HAPLN1: variants seen among roughly 807,000 people sequenced by gnomAD.
HAPLN1 encodes the protein Cartilage link protein.
HAPLN1 carries 13 observed loss-of-function variants against 36.5 expected under a neutral mutation model. That is an observed-to-expected ratio of 0.36 (90% CI 0.23 to 0.57). The LOEUF (loss-of-function observed/expected upper bound fraction) is 0.57, where lower values mean the gene tolerates loss of function less well. Among genes scored for constraint, HAPLN1 ranks in the 20% least tolerant of loss-of-function variants. The pLI is 0.83. For synonymous variants in HAPLN1, 202 were observed against 169.8 expected, an observed-to-expected ratio of 1.19 and a Z score of -1.48; for missense variants, 407 against 439.7, an observed-to-expected ratio of 0.93 and a Z score of 0.66.
chr5:83,711,691 T>C (rs917159851), intron 1 of HAPLN1, among the ~76,000 whole-genome samples: 7 of 152,242 alleles, frequency 4.6e-5, no homozygotes, highest in African/African-American at 1.7e-4. Context: ...TTCCTTGGGA[T>C]GGTCTTTGTT....
intron 1 of HAPLN1, among the ~76,000 whole-genome samples, chr5:83,691,541 C>G (rs948583116): frequency 6.6e-6 from 1 of 151,928 alleles, no homozygotes; most frequent in Non-Finnish European, 1.5e-5. Flanking sequence ...AAACTTAAGA[C>G]AGCTCTAGGA....
chr5:83,667,552 C>A (rs921511740), intron 2 of HAPLN1, among the ~76,000 whole-genome samples: 2 of 151,942 alleles, frequency 1.3e-5, no homozygotes, highest in Admixed American at 6.6e-5. Flanking sequence ...TTGGTGGCTG[C>A]AAATAAGATA....
At chr5:83,710,975 A>G (rs766152365) in intron 1 of HAPLN1, among the ~76,000 whole-genome samples, 7 of 152,006 alleles carry the variant, frequency 4.6e-5, no homozygotes, top group Non-Finnish European at 7.4e-5. Flanking sequence ...AAGAAAAATA[A>G]CCAGAGTGGG....
chr5:83,698,940 G>A (rs1225668554), intron 1 of HAPLN1, among the ~76,000 whole-genome samples: 2 of 152,162 alleles, frequency 1.3e-5, no homozygotes, highest in Admixed American at 6.5e-5. Flanking sequence ...TCTATTTAAA[G>A]AGCAGCATCT....
At chr5:83,658,998 G>A (rs564996038) in intron 2 of HAPLN1, among the ~76,000 whole-genome samples, 58 of 152,260 alleles carry the variant, frequency 3.8e-4, no homozygotes, top group Middle Eastern at 3.4e-3. Context: ...CTGGAGCTGG[G>A]TGCAGTGGCT....
intron 3 of HAPLN1, among the ~76,000 whole-genome samples, chr5:83,651,655 A>G (rs770237777): frequency 3.9e-5 from 4 of 101,446 alleles, no homozygotes; most frequent in Non-Finnish European, 8.2e-5. Flanking sequence ...TTATGTAGAT[A>G]AGGAAGGAAA....
intron 1 of HAPLN1, among the ~76,000 whole-genome samples, chr5:83,697,501 C>T (rs139106743): frequency 3.3e-5 from 5 of 152,236 alleles, no homozygotes; most frequent in Admixed American, 3.3e-4. Flanking sequence ...CTGCTATTAA[C>T]ACCCATGCAC....
At chr5:83,649,155 T>C (rs1402813555) in intron 3 of HAPLN1, among the ~76,000 whole-genome samples, 1 of 152,252 alleles carries the variant, frequency 6.6e-6, no homozygotes, top group Non-Finnish European at 1.5e-5. Flanking sequence ...TATATCATGA[T>C]ACTTTTTGAA....
chr5:83,660,259 G>A (rs1458395217), intron 2 of HAPLN1, among the ~76,000 whole-genome samples: 1 of 152,104 alleles, frequency 6.6e-6, no homozygotes, highest in Admixed American at 6.5e-5. Flanking sequence ...ATATAGTACT[G>A]TTTTGAGTGA....
At chr5:83,656,327 C>CAAAAAAAAA (rs35902132) in intron 2 of HAPLN1, among the ~76,000 whole-genome samples, 9 of 59,774 alleles carry the variant, frequency 1.5e-4, no homozygotes, top group Admixed American at 5.1e-4. Flanking sequence ...GACTACGTCT[C>CAAAAAAAAA]AAAAAAAAAA....
intron 1 of HAPLN1, among the ~76,000 whole-genome samples, chr5:83,704,632 T>C (rs977568209): frequency 2.0e-5 from 3 of 152,078 alleles, no homozygotes; most frequent in Non-Finnish European, 2.9e-5. Context: ...GACTTTAAAC[T>C]AACAAAGATC....
At chr5:83,687,586 T>C (rs1751160497) in intron 1 of HAPLN1, among the ~76,000 whole-genome samples, 1 of 152,236 alleles carries the variant, frequency 6.6e-6, no homozygotes, top group Non-Finnish European at 1.5e-5. Context: ...ACTAATGTGA[T>C]GAGATACTCA....
At chr5:83,705,819 G>A (rs1302367667) in intron 1 of HAPLN1, among the ~76,000 whole-genome samples, 3 of 151,876 alleles carry the variant, frequency 2.0e-5, no homozygotes, top group Non-Finnish European at 4.4e-5. Context: ...AAGATCGAAA[G>A]ACTGCTAACT....
chr5:83,719,788 A>G (rs1299942712), intron 1 of HAPLN1, among the ~76,000 whole-genome samples: 1 of 152,226 alleles, frequency 6.6e-6, no homozygotes, highest in Non-Finnish European at 1.5e-5. Context: ...AGAAACTACA[A>G]TTGTAATGAA....
intron 1 of HAPLN1, among the ~76,000 whole-genome samples, chr5:83,680,345 A>T (rs1227340999): frequency 6.6e-6 from 1 of 152,198 alleles, no homozygotes; most frequent in Non-Finnish European, 1.5e-5. Context: ...ACAGCCTTTA[A>T]TCAAATATTT....
intron 1 of HAPLN1, among the ~76,000 whole-genome samples, chr5:83,719,835 T>C (rs992389334): frequency 6.6e-6 from 1 of 152,164 alleles, no homozygotes; most frequent in Non-Finnish European, 1.5e-5. Flanking sequence ...ATCCACAGCC[T>C]TAATTTCTTA....
chr5:83,672,759 G>A (rs1295657890), intron 2 of HAPLN1, among the ~76,000 whole-genome samples: 3 of 152,148 alleles, frequency 2.0e-5, no homozygotes, highest in Non-Finnish European at 4.4e-5. Context: ...GCATCCAAGG[G>A]CAAGGAAAGA....
chr5:83,719,369 C>T (rs1751977554), intron 1 of HAPLN1, among the ~76,000 whole-genome samples: 1 of 152,150 alleles, frequency 6.6e-6, no homozygotes, highest in South Asian at 2.1e-4. Context: ...TTTAATTAGC[C>T]TTAAGTAAAA....
intron 2 of HAPLN1, among the ~76,000 whole-genome samples, chr5:83,668,639 C>T (rs1750618363): frequency 6.6e-6 from 1 of 152,222 alleles, no homozygotes; most frequent in Admixed American, 6.5e-5. Flanking sequence ...TTAACAAATG[C>T]TCATTATGGT....
Sources: gnomAD v4.1 joint callset for allele counts (sites outside exome capture counted in the v4.1 genomes callset) on GRCh38, gnomAD v4.1.1 for gene constraint, MANE v1.5 for transcripts, NCBI Gene and HGNC (gene_info 2026-07-23, HGNC 2026-07-21) for gene names.